ZNF717: variants seen among roughly 807,000 people sequenced by gnomAD.
The protein encoded by ZNF717 is zinc finger protein 717.
A neutral mutation model predicts 13.8 loss-of-function variants in ZNF717; 9 were observed. The observed-to-expected ratio is 0.65, with a 90% confidence interval of 0.39 to 1.14. The LOEUF (loss-of-function observed/expected upper bound fraction) is 1.14, where lower values mean the gene tolerates loss of function less well. Among genes scored for constraint, ZNF717 ranks in the 50% most tolerant of loss-of-function variants. ZNF717 has a pLI of 0.01. For missense variants in ZNF717, 1,040 were observed against 1,080.7 expected (o/e 0.96, Z 0.53); for synonymous variants, 327 against 364.1 (o/e 0.90, Z 1.16).
chr3:75,773,904 C>T (rs1217394120), intron 2 of ZNF717, among the ~76,000 whole-genome samples: 5 of 152,184 alleles, frequency 3.3e-5, no homozygotes, highest in African/African-American at 4.8e-5. Context: ...ACAAAATTAG[C>T]TGGGCATGGT....
chr3:75,712,169 T>C (rs1387853878), intron 5 of ZNF717, among the ~76,000 whole-genome samples: 2 of 152,238 alleles, frequency 1.3e-5, no homozygotes, highest in Non-Finnish European at 2.9e-5. Flanking sequence ...TATGCCTTTT[T>C]AGGCAAGAAA....
rs556399274 is a variant in ZNF717 at position 75,757,287 on chromosome 3, C to T, written c.58-15551G>A. 2.0e-5 allele frequency among the ~76,000 whole-genome samples: 3 copies of T among 152,294 alleles called. No individual in the cohort carries two copies. In the East Asian group the frequency reaches 5.8e-4, roughly 29 times the overall value. ...TTTAAGGCTTCAAATGACATGCTGA[C>T]TCTTTTGTTAAGGGCTAATGCATCT... On this transcript the variant is annotated intron_variant, in intron 2 of 4. Transcript: ENST00000652011.
At chr3:75,778,215 ACTGG>A in intron 2 of ZNF717, among the ~76,000 whole-genome samples, 1 of 150,982 alleles carries the variant, frequency 6.6e-6, no homozygotes, top group East Asian at 2.0e-4. Flanking sequence ...ACGTGCTAAA[ACTGG>A]AACCCAAAAC....
chr3:75,768,486 G>A (rs948104314), intron 2 of ZNF717, among the ~76,000 whole-genome samples: 18 of 150,616 alleles, frequency 1.2e-4, no homozygotes, highest in African/African-American at 3.9e-4. Flanking sequence ...GAGTGTGTGC[G>A]GGGGCAGATG....
exon 6 of ZNF717, chr3:75,730,365 A>G: frequency 2.6e-6 from 1 of 392,016 alleles, no homozygotes. Flanking sequence ...AAAAAAAAAA[A>G]AGTAGAAACA....
chr3:75,718,448 C>G (rs1938100237), intron 4 of ZNF717, among the ~76,000 whole-genome samples: 1 of 152,144 alleles, frequency 6.6e-6, no homozygotes, highest in African/African-American at 2.4e-5. Flanking sequence ...TCCTGGGAGT[C>G]TAACTTACTA....
intron 5 of ZNF717, among the ~76,000 whole-genome samples, chr3:75,714,146 T>A (rs1285625067): frequency 2.0e-5 from 3 of 152,038 alleles, no homozygotes; most frequent in Admixed American, 2.0e-4. Context: ...TGGTCAGGCC[T>A]CCGGATAACT....
At position 75,738,802 on chromosome 3, in the gene ZNF717, T is replaced by C. The variant is rs1184991188; in HGVS notation, c.821A>G (p.Gln274Arg). 250 of 1,552,574 alleles carry C rather than the reference T, an allele frequency of 1.6e-4. No homozygotes were observed. Among genetic ancestry groups the C allele is most frequent in the Non-Finnish European group, 2.1e-4 (241 of 1,147,692 alleles). ...CCRKSDFTKH[Q>R]QTHTGEKPYE... is the part of the protein sequence containing the mutation. The stretch of plus-strand genomic sequence containing the variant: ...GGGTTTCTCTCCTGTGTGTGTCTGC[T>C]GATGTTTAGTGAAGTCAGACTTTCT... Residue 274 changes from glutamine to arginine, a missense_variant, in exon 5 of 5, where the codon CAG (glutamine) becomes CGG (arginine). Physicochemically the swap from Gln to Arg is conservative, Grantham distance 43. Transcript: ENST00000652011.
At chr3:75,709,162 C>A (rs1575714994), downstream of ZNF717, among the ~76,000 whole-genome samples, 2 of 151,880 alleles carry the variant, frequency 1.3e-5, no homozygotes, top group South Asian at 2.1e-4. Flanking sequence ...CCAAACCCAG[C>A]TATTTTTTTG....
At chr3:75,712,118 A>G (rs1166529814) in intron 5 of ZNF717, among the ~76,000 whole-genome samples, 1 of 152,286 alleles carries the variant, frequency 6.6e-6, no homozygotes, top group Admixed American at 6.5e-5. Context: ...AGAGTTGACA[A>G]AAGGTTGAAG....
chr3:75,718,363 G>A (rs1362462546), intron 4 of ZNF717, among the ~76,000 whole-genome samples: 8 of 152,022 alleles, frequency 5.3e-5, no homozygotes, highest in South Asian at 2.1e-4. Flanking sequence ...ATACCGTTAC[G>A]GTCAGTAAGA....
At chr3:75,706,137 A>T (rs75010400), downstream of ZNF717, among the ~76,000 whole-genome samples, 7,311 of 103,970 alleles carry the variant, frequency 0.07, no homozygotes, top group Middle Eastern at 0.11. Flanking sequence ...TGAAGGAATA[A>T]AAAAAAAGTG....
At chr3:75,771,155 G>A (rs1237536609) in intron 2 of ZNF717, among the ~76,000 whole-genome samples, 1 of 152,172 alleles carries the variant, frequency 6.6e-6, no homozygotes, top group African/African-American at 2.4e-5. Flanking sequence ...CCAAACTTCT[G>A]CCACTCACAC....
At chr3:75,710,056 G>A (rs74413649) in exon 6 of ZNF717, 1 of 151,612 alleles carries the variant, frequency 6.6e-6, no homozygotes, top group African/African-American at 2.4e-5. Context: ...TATTAAGTTC[G>A]ATTTTGTCTG....
At chr3:75,732,402 T>C (rs1483124873), downstream of ZNF717, among the ~76,000 whole-genome samples, 1 of 152,266 alleles carries the variant, frequency 6.6e-6, no homozygotes, top group Admixed American at 6.5e-5. Flanking sequence ...ACTCTTCTGC[T>C]ACAGTCTGAA....
downstream of ZNF717, chr3:75,732,062 C>A: frequency 1.7e-6 from 1 of 573,888 alleles, no homozygotes; most frequent in Non-Finnish European, 3.2e-6. Context: ...AAATTTACCT[C>A]CTGGAGCTCC....
chr3:75,718,412 C>T (rs1281472117), intron 4 of ZNF717, among the ~76,000 whole-genome samples: 1 of 152,110 alleles, frequency 6.6e-6, no homozygotes, highest in Non-Finnish European at 1.5e-5. Flanking sequence ...GAATAGCCAT[C>T]ATTTGCTTAG....
chr3:75,706,907 G>A (rs1167670583), downstream of ZNF717, among the ~76,000 whole-genome samples: 158 of 151,788 alleles, frequency 1.0e-3, no homozygotes, highest in African/African-American at 3.7e-3. Flanking sequence ...TGTCCTCCAG[G>A]GCCTCTGGGC....
At chr3:75,724,112 T>C (rs79155856) in intron 4 of ZNF717, among the ~76,000 whole-genome samples, 903 of 116,294 alleles carry the variant, frequency 7.8e-3, no homozygotes, top group Admixed American at 0.011. Context: ...AGGAAGGGCC[T>C]CCAACCGGTA....
Sources: gnomAD v4.1 joint callset for allele counts (sites outside exome capture counted in the v4.1 genomes callset) on GRCh38, gnomAD v4.1.1 for gene constraint, MANE v1.5 for transcripts, NCBI Gene and HGNC (gene_info 2026-07-23, HGNC 2026-07-21) for gene names.